The following ZNF407 variants were observed in gnomAD, a reference collection of about 807,000 sequenced individuals.
ZNF407 encodes zinc finger protein 407.
A neutral mutation model predicts 131.2 loss-of-function variants in ZNF407; 17 were observed. The ratio of observed to expected loss-of-function variants is 0.13; its 90% CI spans 0.09 to 0.19. The LOEUF (loss-of-function observed/expected upper bound fraction) is 0.19, where lower values mean the gene tolerates loss of function less well. Among genes scored for constraint, ZNF407 ranks in the 10% least tolerant of loss-of-function variants. The pLI, the probability that ZNF407 is intolerant of heterozygous loss-of-function variation, is 1.00. For missense variants in ZNF407, 2,681 were observed against 2,830.6 expected (o/e 0.95, Z 1.20); for synonymous variants, 1,156 against 1,062.0 (o/e 1.09, Z -1.72).
At chr18:74,871,854 ATTTC>A (rs1232959638) in intron 4 of ZNF407, among the ~76,000 whole-genome samples, 8 of 146,842 alleles carry the variant, frequency 5.4e-5, no homozygotes, top group African/African-American at 2.0e-4. Context: ...TTTATTACAG[ATTTC>A]TTTCTTTCTT....
chr18:74,929,737 A>T (rs973207092), intron 8 of ZNF407, among the ~76,000 whole-genome samples: 3 of 152,186 alleles, frequency 2.0e-5, no homozygotes, highest in African/African-American at 7.2e-5. Flanking sequence ...TAGCATGACA[A>T]GTCTTTCAAA....
chr18:74,626,684 A>G (rs746208452), intron 1 of ZNF407, among the ~76,000 whole-genome samples: 2 of 152,236 alleles, frequency 1.3e-5, no homozygotes, highest in Admixed American at 6.5e-5. Context: ...TCTATTCAGT[A>G]TACTACAACC....
intron 3 of ZNF407, among the ~76,000 whole-genome samples, chr18:74,699,370 T>C (rs1481350736): frequency 6.6e-6 from 1 of 152,188 alleles, no homozygotes; most frequent in Non-Finnish European, 1.5e-5. Flanking sequence ...TTCTGTGTTA[T>C]TAAAAAACCC....
At chr18:74,643,389 C>T (rs1029084498) in intron 3 of ZNF407, among the ~76,000 whole-genome samples, 6 of 152,020 alleles carry the variant, frequency 3.9e-5, no homozygotes, top group Non-Finnish European at 8.8e-5. Context: ...GGAACATTAA[C>T]TCTATAATTT....
At chr18:74,954,853 C>T (rs1399525599) in intron 8 of ZNF407, among the ~76,000 whole-genome samples, 1 of 152,018 alleles carries the variant, frequency 6.6e-6, no homozygotes, top group South Asian at 2.1e-4. Context: ...CAGTACTTGA[C>T]GAAGGAAATA....
intron 1 of ZNF407, among the ~76,000 whole-genome samples, chr18:74,606,569 G>T (rs1982817749): frequency 6.6e-6 from 1 of 151,972 alleles, no homozygotes; most frequent in Admixed American, 6.6e-5. Context: ...AAAATTCTTT[G>T]ATTTTCATAC....
At position 74,816,282 on chromosome 18, in the gene ZNF407, A is replaced by G. The variant is rs17055652; in HGVS notation, c.4877+34780A>G. ...CAACCCCTCTGGTTCATTTTCTGAA[A>G]GAGCTGAGTGGAATTTTCTTTCCAA... On this transcript the variant is annotated intron_variant, in intron 4 of 8. Coordinates refer to ENST00000299687, the MANE Select transcript of ZNF407 (RefSeq NM_017757.3). Among the ~76,000 whole-genome samples the G allele has an allele frequency of 8.2e-3, 1,249 of 152,322 alleles. 14 individuals are homozygous for G. The highest frequency in any genetic ancestry group is 0.028 in the African/African-American group (1,162 of 41,580).
rs185399433 is a variant in ZNF407, at chr18:74,630,491, A to G, written c.-53-476A>G. 1.9e-3 allele frequency among the ~76,000 whole-genome samples: 292 copies of G among 152,200 alleles called. 3 individuals carry two copies. The highest frequency in any genetic ancestry group is 6.3e-3 in the African/African-American group (260 of 41,542). On this transcript the variant is annotated intron_variant, in intron 1 of 8. Coordinates refer to ENST00000299687, the MANE Select transcript of ZNF407 (RefSeq NM_017757.3). ...TGGCCGAAACAGTTGTTTTAAAATT[A>G]TGTTTCTTTTACATAGGACTTGGGC...
At chr18:74,983,465 C>T (rs1363182680) in intron 8 of ZNF407, among the ~76,000 whole-genome samples, 1 of 150,970 alleles carries the variant, frequency 6.6e-6, no homozygotes, top group African/African-American at 2.5e-5. Flanking sequence ...CCGTGATATT[C>T]TGTGAGTTTT....
chr18:74,676,512 C>T (rs1986374785), intron 3 of ZNF407, among the ~76,000 whole-genome samples: 1 of 151,228 alleles, frequency 6.6e-6, no homozygotes. Context: ...TCTCGGCTCA[C>T]TGCAAGCTCC....
chr18:74,895,878 C>T (rs981295901), intron 7 of ZNF407, among the ~76,000 whole-genome samples: 6 of 152,204 alleles, frequency 3.9e-5, no homozygotes, highest in Non-Finnish European at 7.3e-5. Flanking sequence ...TTTGGATAAT[C>T]TCTTCAGAGA....
chr18:74,886,919 G>A (rs1461623474), intron 6 of ZNF407, among the ~76,000 whole-genome samples: 1 of 152,190 alleles, frequency 6.6e-6, no homozygotes, highest in Admixed American at 6.5e-5. Flanking sequence ...CATACGGCCA[G>A]TCTAGACAGA....
chr18:74,668,988 A>G (rs1986036588), intron 3 of ZNF407, among the ~76,000 whole-genome samples: 1 of 151,568 alleles, frequency 6.6e-6, no homozygotes, highest in Non-Finnish European at 1.5e-5. Context: ...ATCTTATTCC[A>G]TGCTTGTTCC....
intron 8 of ZNF407, among the ~76,000 whole-genome samples, chr18:74,967,378 A>G (rs4891040): frequency 0.17 from 25,610 of 152,220 alleles, 2,485 homozygotes; most frequent in Admixed American, 0.27. Flanking sequence ...AATTGTTGTC[A>G]GTGGCCATAT....
chr18:74,857,578 C>T (rs567877314), intron 4 of ZNF407, among the ~76,000 whole-genome samples: 1 of 151,896 alleles, frequency 6.6e-6, no homozygotes, highest in Non-Finnish European at 1.5e-5. Context: ...AAAAAAAAAT[C>T]AGATCATTGT....
intron 4 of ZNF407, among the ~76,000 whole-genome samples, chr18:74,852,195 A>ACACACACACG (rs1555694782): frequency 6.1e-4 from 38 of 61,978 alleles, no homozygotes; most frequent in African/African-American, 2.0e-3. Context: ...ACACACACAC[A>ACACACACACG]CACGCACGCA....
intron 1 of ZNF407, among the ~76,000 whole-genome samples, chr18:74,615,290 A>T (rs970575856): frequency 6.6e-6 from 1 of 152,228 alleles, no homozygotes; most frequent in Non-Finnish European, 1.5e-5. Flanking sequence ...GCAGATCACG[A>T]GGTCAAGAGA....
At chr18:74,839,080 A>G (rs954634725) in intron 4 of ZNF407, among the ~76,000 whole-genome samples, 1 of 152,026 alleles carries the variant, frequency 6.6e-6, no homozygotes, top group African/African-American at 2.4e-5. Context: ...AAAACGGACA[A>G]TTTCTTGTTT....
intron 1 of ZNF407, among the ~76,000 whole-genome samples, chr18:74,629,556 T>A (rs1337303559): frequency 6.6e-6 from 1 of 152,230 alleles, no homozygotes; most frequent in African/African-American, 2.4e-5. Context: ...TTAATTTTGA[T>A]GAAGTCCAAT....
Sources: allele counts gnomAD v4.1 joint callset (sites outside exome capture counted in the v4.1 genomes callset), GRCh38; gene constraint gnomAD v4.1.1; transcripts MANE v1.5; gene names NCBI Gene and HGNC (gene_info 2026-07-23, HGNC 2026-07-21).